The following L3MBTL3 variants were observed in gnomAD, a reference collection of about 807,000 sequenced individuals.
L3MBTL3 encodes the protein lethal(3)malignant brain tumor-like protein 3.
A neutral mutation model predicts 102.3 loss-of-function variants in L3MBTL3; 27 were observed. That is an observed-to-expected ratio of 0.26 (90% CI 0.19 to 0.36). L3MBTL3 has a LOEUF of 0.36. Ranked by LOEUF, L3MBTL3 falls within the 10% of genes least tolerant of loss-of-function variation. The pLI is 1.00. For synonymous variants in L3MBTL3, 340 were observed against 320.9 expected (o/e 1.06, Z -0.64); for missense variants, 798 against 955.3 (o/e 0.84, Z 2.17).
intron 2 of L3MBTL3, among the ~76,000 whole-genome samples, chr6:130,024,200 G>T (rs558409658): frequency 9.0e-4 from 137 of 152,240 alleles, no homozygotes; most frequent in African/African-American, 3.0e-3. Flanking sequence ...GCCAGAACAT[G>T]AGTCCTCCGA....
intron 22 of L3MBTL3, among the ~76,000 whole-genome samples, chr6:130,136,554 A>G (rs1168521895): frequency 1.3e-5 from 2 of 151,552 alleles, no homozygotes; most frequent in African/African-American, 4.8e-5. Context: ...TCTTGTCACC[A>G]CACATGCATC....
At chr6:130,042,600 A>T in intron 2 of L3MBTL3, 85 bp from the exon 3 acceptor site, 1 of 732,944 alleles carries the variant, frequency 1.4e-6, no homozygotes, top group Non-Finnish European at 2.3e-6. Flanking sequence ...TTATGTAATT[A>T]AGGGAAACTG....
intron 11 of L3MBTL3, among the ~76,000 whole-genome samples, chr6:130,067,084 A>G (rs1415365085): frequency 6.6e-6 from 1 of 152,106 alleles, no homozygotes; most frequent in African/African-American, 2.4e-5. Context: ...AGAATAACAG[A>G]TATCGTCTTT....
In L3MBTL3 at chr6:130,133,358, C is replaced by A; in HGVS notation, c.1967-94C>A. The A allele has an allele frequency of 8.3e-7, 1 of 1,208,370 alleles. No individual in the cohort carries two copies. The highest frequency in any genetic ancestry group is 1.2e-6 in the Non-Finnish European group (1 of 837,308). The allele number at this position is 1,208,370 out of a possible 1,614,324, so 74.9% of individuals were successfully genotyped here. On this transcript the variant is annotated intron_variant, in intron 20 of 22. Coordinates refer to ENST00000361794, the MANE Select transcript of L3MBTL3 (RefSeq NM_032438.4). The surrounding 1 kb of genome is among the most constrained non-coding windows in gnomAD (Gnocchi z 4.9). ...GAAAGGAACCAATGCTTTAACCACT[C>A]CCACCTCCAGTCTCGTTATCTGGGA...
At chr6:130,111,931 G>A (rs1256155608) in intron 19 of L3MBTL3, among the ~76,000 whole-genome samples, 1 of 152,138 alleles carries the variant, frequency 6.6e-6, no homozygotes, top group Non-Finnish European at 1.5e-5. Flanking sequence ...TGTGTCATCT[G>A]GCCCCTGCCT....
intron 20 of L3MBTL3, among the ~76,000 whole-genome samples, chr6:130,122,517 C>G (rs537944805): frequency 6.6e-6 from 1 of 152,264 alleles, no homozygotes; most frequent in Admixed American, 6.5e-5. Context: ...AGTATACCTC[C>G]CTCATAAGAT....
intron 12 of L3MBTL3, among the ~76,000 whole-genome samples, 161 bp downstream of exon 12, chr6:130,068,582 C>A (rs1782427336): frequency 6.6e-6 from 1 of 152,152 alleles, no homozygotes; most frequent in Admixed American, 6.5e-5. Flanking sequence ...TTAAAATCTT[C>A]ATGAACAAAT....
At position 130,098,863 on chromosome 6, in the gene L3MBTL3, C is replaced by CT. The variant is rs11332477; in HGVS notation, c.1736+4517dup. 7.0e-3 allele frequency among the ~76,000 whole-genome samples: 835 copies of CT among 118,494 alleles called. 5 individuals are homozygous for CT. Among genetic ancestry groups the CT allele is most frequent in the South Asian group, 0.021 (71 of 3,414 alleles). The allele number at this position is 118,494 out of a possible 152,430, so 77.7% of individuals were successfully genotyped here. On this transcript the variant is annotated intron_variant, in intron 18 of 22. Transcript: ENST00000361794. ...GATAGAGCCTGCCTCGTGTGTTTTT[C>CT]TTTTTTTTTTTTTTTTTTTTTAACT...
chr6:130,139,466 C>A, intron 22 of L3MBTL3, 144 bp from the exon 23 acceptor site: 1 of 698,346 alleles, frequency 1.4e-6, no homozygotes, highest in South Asian at 1.8e-5. Context: ...GTCCATATAT[C>A]AAGAAATGTC....
intron 20 of L3MBTL3, among the ~76,000 whole-genome samples, chr6:130,127,662 AT>A (rs1786706441): frequency 1.3e-5 from 2 of 152,082 alleles, no homozygotes; most frequent in South Asian, 4.1e-4. Flanking sequence ...CCACAAACTT[AT>A]TTTTCTTACT....
chr6:130,082,110 T>G (rs1355182017), intron 14 of L3MBTL3, among the ~76,000 whole-genome samples: 1 of 152,218 alleles, frequency 6.6e-6, no homozygotes, highest in Admixed American at 6.5e-5. Flanking sequence ...TCTGTCTCTT[T>G]ACTGGTTCGC....
At chr6:130,105,115 A>G (rs1784909546) in intron 19 of L3MBTL3, among the ~76,000 whole-genome samples, 2 of 152,214 alleles carry the variant, frequency 1.3e-5, no homozygotes, top group Non-Finnish European at 2.9e-5. Flanking sequence ...AAACTGATAC[A>G]TCTTTAAGCA....
chr6:130,068,498 A>C (rs1025444647), intron 12 of L3MBTL3, 77 bp downstream of exon 12: 2 of 734,734 alleles, frequency 2.7e-6, no homozygotes, highest in East Asian at 2.5e-5. Flanking sequence ...TACAAGTGAT[A>C]ACAAGGAACT....
At chr6:130,020,210 GGGCCGTCCTCGCGCCGC>G (rs1268818605) in intron 1 of L3MBTL3, among the ~76,000 whole-genome samples, 2 of 150,734 alleles carry the variant, frequency 1.3e-5, no homozygotes, top group East Asian at 4.0e-4. Flanking sequence ...TGGGCCCCGC[GGGCCGTCCTCGCGCCGC>G]GGCGGCGGGG....
At chr6:130,118,201 A>G (rs955371517) in intron 19 of L3MBTL3, among the ~76,000 whole-genome samples, 3 of 152,142 alleles carry the variant, frequency 2.0e-5, no homozygotes, top group Middle Eastern at 3.2e-3. Flanking sequence ...ATTGAATCCA[A>G]TTGCAGATTT....
chr6:130,049,533 G>A, intron 4 of L3MBTL3, 140 bp downstream of exon 4: 1 of 716,012 alleles, frequency 1.4e-6, no homozygotes, highest in Non-Finnish European at 2.3e-6. Context: ...TTTCTATAAT[G>A]AAACTGATAG....
At chr6:130,048,943 C>CAT (rs1780898104) in intron 3 of L3MBTL3, among the ~76,000 whole-genome samples, 1 of 118,018 alleles carries the variant, frequency 8.5e-6, no homozygotes, top group Non-Finnish European at 1.8e-5. Context: ...TTAGTTAAAA[C>CAT]ACACACACAC....
chr6:130,063,647 A>G (rs951840298), intron 10 of L3MBTL3, among the ~76,000 whole-genome samples: 2 of 152,132 alleles, frequency 1.3e-5, no homozygotes, highest in African/African-American at 4.8e-5. Context: ...CATTCATTAA[A>G]AATTGAACTC....
chr6:130,042,644 A>G (rs963049362), intron 2 of L3MBTL3, 41 bp from the exon 3 acceptor site: 13 of 1,158,858 alleles, frequency 1.1e-5, no homozygotes, highest in Non-Finnish European at 1.6e-5. Context: ...ACAGATTTCC[A>G]TGTGGAATAT....
Sources: allele counts gnomAD v4.1 joint callset (sites outside exome capture counted in the v4.1 genomes callset), GRCh38; gene constraint gnomAD v4.1.1; non-coding constraint Gnocchi (gnomAD v3.1); transcripts MANE v1.5; gene names NCBI Gene and HGNC (gene_info 2026-07-23, HGNC 2026-07-21).